VPS13B: variants seen among roughly 807,000 people sequenced by gnomAD.
VPS13B encodes the protein vacuolar protein sorting 13 homolog B.
A neutral mutation model predicts 426.4 loss-of-function variants in VPS13B; 285 were observed. The ratio of observed to expected loss-of-function variants is 0.67; its 90% CI spans 0.61 to 0.74. VPS13B has a LOEUF of 0.74. Ranked by LOEUF, VPS13B falls within the 30% of genes least tolerant of loss-of-function variation. VPS13B has a pLI of 0.00. For synonymous variants in VPS13B, 1,676 were observed against 1,676.4 expected (o/e 1.00, Z 0.01); for missense variants, 4,537 against 4,782.6 (o/e 0.95, Z 1.51).
intron 34 of VPS13B, among the ~76,000 whole-genome samples, chr8:99,661,123 T>C (rs1830207150): frequency 6.6e-6 from 1 of 152,174 alleles, no homozygotes; most frequent in Non-Finnish European, 1.5e-5. Flanking sequence ...TGAACATTTT[T>C]TTCCTCTTTG....
At chr8:99,579,746 C>T (rs751742628) in intron 33 of VPS13B, among the ~76,000 whole-genome samples, 5 of 149,080 alleles carry the variant, frequency 3.4e-5, no homozygotes, top group Non-Finnish European at 5.9e-5. Context: ...CACTCTGTTG[C>T]CCAGACTAGA....
chr8:99,636,687 A>T (rs1177524727), intron 33 of VPS13B, among the ~76,000 whole-genome samples: 2 of 152,010 alleles, frequency 1.3e-5, no homozygotes, highest in Non-Finnish European at 2.9e-5. Context: ...CACTGTTTAG[A>T]ATAGGAAGTA....
intron 24 of VPS13B, among the ~76,000 whole-genome samples, chr8:99,476,454 G>A (rs891804707): frequency 8.0e-5 from 12 of 149,636 alleles, no homozygotes; most frequent in African/African-American, 2.7e-4. Context: ...CTTATTGAGT[G>A]CTACATGTAA....
chr8:99,601,757 T>G (rs1827309908), intron 33 of VPS13B, among the ~76,000 whole-genome samples: 1 of 152,240 alleles, frequency 6.6e-6, no homozygotes, highest in African/African-American at 2.4e-5. Flanking sequence ...CCAGTGATGA[T>G]GAGCTTTTCT....
intron 31 of VPS13B, among the ~76,000 whole-genome samples, chr8:99,558,859 A>G (rs533033226): frequency 1.3e-5 from 2 of 152,248 alleles, no homozygotes; most frequent in Admixed American, 6.5e-5. Flanking sequence ...GAATAGTGCC[A>G]CAATAAACAT....
At chr8:99,487,049 C>T (rs529414732) in intron 25 of VPS13B, among the ~76,000 whole-genome samples, 4 of 151,046 alleles carry the variant, frequency 2.6e-5, no homozygotes, top group Non-Finnish European at 5.9e-5. Flanking sequence ...AATAAATACC[C>T]AGACTTCATT....
intron 39 of VPS13B, among the ~76,000 whole-genome samples, chr8:99,748,027 A>C (rs1407277905): frequency 6.6e-6 from 1 of 151,926 alleles, no homozygotes; most frequent in South Asian, 2.1e-4. Context: ...TCTGTTTTAC[A>C]TCTTTATTTT....
intron 3 of VPS13B, among the ~76,000 whole-genome samples, chr8:99,068,720 G>A (rs1171597512): frequency 6.6e-6 from 1 of 152,084 alleles, no homozygotes; most frequent in African/African-American, 2.4e-5. Context: ...AGGGGTGGGG[G>A]GAATGCCACA....
intron 30 of VPS13B, chr8:99,536,746 C>T (rs1444614636): frequency 1.9e-6 from 1 of 533,218 alleles, no homozygotes; most frequent in South Asian, 1.4e-5. Flanking sequence ...TAAACGTATT[C>T]CCAGTCATTA....
intron 19 of VPS13B, among the ~76,000 whole-genome samples, chr8:99,321,488 A>G (rs1351343295): frequency 1.3e-5 from 2 of 152,264 alleles, no homozygotes; most frequent in East Asian, 1.9e-4. Flanking sequence ...GATTACAGGC[A>G]TGAGCCGTCG....
At chr8:99,069,522 T>G (rs1844741129) in intron 3 of VPS13B, among the ~76,000 whole-genome samples, 1 of 152,220 alleles carries the variant, frequency 6.6e-6, no homozygotes. Flanking sequence ...ATCTAATAAG[T>G]TATTAGGGTG....
intron 17 of VPS13B, among the ~76,000 whole-genome samples, chr8:99,214,096 T>C (rs565528194): frequency 7.9e-5 from 12 of 152,208 alleles, no homozygotes; most frequent in Non-Finnish European, 1.5e-4. Context: ...TGGACAGGTA[T>C]TAGACCTGAC....
chr8:99,787,756 A>C (rs897112333), intron 43 of VPS13B, among the ~76,000 whole-genome samples: 1 of 152,182 alleles, frequency 6.6e-6, no homozygotes, highest in African/African-American at 2.4e-5. Context: ...GGTAGGATTT[A>C]TATAGAGGCT....
In VPS13B at chr8:99,697,249, C is replaced by T; in HGVS notation, c.6047-2276C>T. 5.2e-6 allele frequency: 3 copies of T among 575,920 alleles called. No homozygotes were observed. The South Asian group carries it at 5.7e-5, about 11-fold the overall frequency. 35.7% of individuals were successfully genotyped at this position (575,920 alleles called of 1,614,324 possible). The stretch of plus-strand genomic sequence containing the variant: ...GAGGTCACGCTGCAGGAGGAGGCAG[C>T]CATCCAGCAGGAGCACCACAAGGAG... On this transcript the variant is annotated intron_variant, in intron 35 of 61. Coordinates refer to ENST00000357162, the MANE Select transcript of VPS13B (RefSeq NM_152564.5).
chr8:99,514,858 A>G (rs752073671), intron 29 of VPS13B, among the ~76,000 whole-genome samples: 3 of 152,050 alleles, frequency 2.0e-5, no homozygotes, highest in Non-Finnish European at 2.9e-5. Flanking sequence ...TTTTTGAGGA[A>G]CCACCAAACT....
chr8:99,847,152 T>C (rs1315817534), intron 54 of VPS13B, among the ~76,000 whole-genome samples: 1 of 152,254 alleles, frequency 6.6e-6, no homozygotes. Context: ...GTAAGTTTAA[T>C]TTTTACCTTG....
At chr8:99,039,249 T>C (rs1364140886) in intron 3 of VPS13B, among the ~76,000 whole-genome samples, 1 of 152,208 alleles carries the variant, frequency 6.6e-6, no homozygotes, top group Admixed American at 6.5e-5. Context: ...AGGGAATTTC[T>C]CAGGTTATTT....
At chr8:99,792,312 C>T (rs1158929459) in intron 43 of VPS13B, among the ~76,000 whole-genome samples, 2 of 152,068 alleles carry the variant, frequency 1.3e-5, no homozygotes, top group African/African-American at 2.4e-5. Flanking sequence ...CAGGGAAAGA[C>T]AATTAATAGA....
chr8:99,554,012 A>G (rs999279634), intron 30 of VPS13B, among the ~76,000 whole-genome samples: 17 of 152,008 alleles, frequency 1.1e-4, no homozygotes, highest in African/African-American at 4.1e-4. Flanking sequence ...CAGGAGAAAC[A>G]TAGCTTAATT....
Sources: allele counts gnomAD v4.1 joint callset (sites outside exome capture counted in the v4.1 genomes callset), GRCh38; gene constraint gnomAD v4.1.1; transcripts MANE v1.5; gene names NCBI Gene and HGNC (gene_info 2026-07-23, HGNC 2026-07-21).